Variants in CSTPP1 observed in about 807,000 individuals in gnomAD.
CSTPP1 encodes the protein centriolar satellite-associated tubulin polyglutamylase complex regulator 1, also known as UPF0705 protein C11orf49.
At chr11:47,002,666 A>C in the CSTPP1 span, among the ~76,000 whole-genome samples, 2 of 151,852 alleles carry the variant, frequency 1.3e-5, no homozygotes, top group South Asian at 2.1e-4. Context: ...AGAGAAACTT[A>C]TCTGTTATAA....
chr11:47,005,510 A>G, the CSTPP1 span, among the ~76,000 whole-genome samples: 1 of 152,210 alleles, frequency 6.6e-6, no homozygotes, highest in Admixed American at 6.5e-5. Context: ...GAGAGTAAGG[A>G]AAAATAATGG....
the CSTPP1 span, among the ~76,000 whole-genome samples, chr11:46,983,740 G>T: frequency 6.6e-6 from 1 of 152,130 alleles, no homozygotes; most frequent in African/African-American, 2.4e-5. Flanking sequence ...GGATTTTCCC[G>T]TGTTGGGTGG....
chr11:47,137,766 C>A, the CSTPP1 span: 1 of 1,581,888 alleles, frequency 6.3e-7, no homozygotes, highest in Non-Finnish European at 8.7e-7. Flanking sequence ...ACTCAGCTCT[C>A]TGTGGGCCAC....
At chr11:46,995,062 G>C in the CSTPP1 span, among the ~76,000 whole-genome samples, 1 of 152,052 alleles carries the variant, frequency 6.6e-6, no homozygotes, top group African/African-American at 2.4e-5. Flanking sequence ...GTTTATTTGC[G>C]TAGAGGTGTT....
chr11:47,127,725 A>C, the CSTPP1 span, among the ~76,000 whole-genome samples: 1 of 152,200 alleles, frequency 6.6e-6, no homozygotes, highest in South Asian at 2.1e-4. Context: ...AATCCTCTCA[A>C]AAATTCATGA....
chr11:47,106,484 A>G, the CSTPP1 span, among the ~76,000 whole-genome samples: 1 of 152,092 alleles, frequency 6.6e-6, no homozygotes, highest in African/African-American at 2.4e-5. Context: ...CTCTACTAAA[A>G]ATACAAAAAT....
At chr11:46,945,678 C>T in the CSTPP1 span, among the ~76,000 whole-genome samples, 13 of 152,034 alleles carry the variant, frequency 8.6e-5, no homozygotes, top group Admixed American at 2.6e-4. Flanking sequence ...CTCTTTCTTT[C>T]CTTTTCCTCC....
the CSTPP1 span, among the ~76,000 whole-genome samples, chr11:47,086,792 G>A: frequency 1.3e-5 from 2 of 152,156 alleles, no homozygotes; most frequent in Non-Finnish European, 2.9e-5. Context: ...TTTATCAAAA[G>A]CAGTGATAAC....
the CSTPP1 span, among the ~76,000 whole-genome samples, chr11:47,146,097 T>C: frequency 6.6e-6 from 1 of 151,952 alleles, no homozygotes; most frequent in African/African-American, 2.4e-5. Context: ...GCACAGTGGC[T>C]CACGCCTGTA....
the CSTPP1 span, among the ~76,000 whole-genome samples, chr11:47,039,326 C>G: frequency 1.6e-5 from 2 of 127,832 alleles, no homozygotes; most frequent in Admixed American, 8.3e-5. Context: ...CACAGCGAAA[C>G]CCCGTCTCCA....
chr11:47,151,409 A>G, the CSTPP1 span, among the ~76,000 whole-genome samples: 1 of 151,918 alleles, frequency 6.6e-6, no homozygotes, highest in Non-Finnish European at 1.5e-5. Context: ...TCAAAAAAAA[A>G]AAAGCAAGAG....
the CSTPP1 span, among the ~76,000 whole-genome samples, chr11:46,988,459 C>G: frequency 6.6e-6 from 1 of 151,934 alleles, no homozygotes. Context: ...ATAAGCCAGG[C>G]ACAGAAAGAC....
At chr11:47,095,156 G>T in the CSTPP1 span, among the ~76,000 whole-genome samples, 1 of 152,126 alleles carries the variant, frequency 6.6e-6, no homozygotes, top group Non-Finnish European at 1.5e-5. Context: ...AACTTTCCAT[G>T]ATTTTTTAGT....
the CSTPP1 span, among the ~76,000 whole-genome samples, chr11:47,013,068 AT>A: frequency 5.2e-3 from 768 of 147,280 alleles, 6 homozygotes; most frequent in African/African-American, 0.018. Flanking sequence ...TAACATATAT[AT>A]TTTATTATAT....
At chr11:47,014,173 A>T in the CSTPP1 span, among the ~76,000 whole-genome samples, 1 of 151,778 alleles carries the variant, frequency 6.6e-6, no homozygotes, top group Non-Finnish European at 1.5e-5. Context: ...AGCCTGAGTG[A>T]CACAGTGAGA....
chr11:47,017,214 C>G, the CSTPP1 span, among the ~76,000 whole-genome samples: 61 of 125,822 alleles, frequency 4.8e-4, no homozygotes, highest in Middle Eastern at 0.011. Context: ...TCACTCTGTT[C>G]CCCAGGCTGG....
At chr11:47,042,422 A>C in the CSTPP1 span, among the ~76,000 whole-genome samples, 1 of 151,854 alleles carries the variant, frequency 6.6e-6, no homozygotes, top group South Asian at 2.1e-4. Context: ...AGTTCCAAAA[A>C]ATGATAATAT....
the CSTPP1 span, among the ~76,000 whole-genome samples, chr11:47,049,271 G>T: frequency 6.6e-6 from 1 of 152,046 alleles, no homozygotes; most frequent in Non-Finnish European, 1.5e-5. Flanking sequence ...ATAGGCATAA[G>T]CCACCATGCC....
the CSTPP1 span, among the ~76,000 whole-genome samples, chr11:47,011,597 C>T: frequency 1.3e-5 from 2 of 152,336 alleles, no homozygotes; most frequent in Non-Finnish European, 1.5e-5. Flanking sequence ...GCAAAAATCA[C>T]TTAGAGGTAG....
Sources: gnomAD v4.1 joint callset for allele counts (sites outside exome capture counted in the v4.1 genomes callset) on GRCh38, gnomAD v4.1.1 for gene constraint, MANE v1.5 for transcripts, NCBI Gene and HGNC (gene_info 2026-07-23, HGNC 2026-07-21) for gene names.